AKAP13: variants seen among roughly 807,000 people sequenced by gnomAD.
The protein encoded by AKAP13 is A-kinase anchoring protein 13.
Under a neutral mutation model 264.5 loss-of-function variants are expected in AKAP13, and 80 were observed. The observed-to-expected ratio is 0.30, with a 90% CI of 0.25 to 0.36. The LOEUF is 0.36. AKAP13 is among the 10% of genes least tolerant of loss of function. The pLI is 1.00. For synonymous variants in AKAP13, 1,380 were observed against 1,250.2 expected, an observed-to-expected ratio of 1.10 and a Z score of -2.19; for missense variants, 3,712 against 3,435.2, an observed-to-expected ratio of 1.08 and a Z score of -2.01.
chr15:85,692,358 T>C (rs1009159305), intron 16 of AKAP13, among the ~76,000 whole-genome samples: 6 of 152,214 alleles, frequency 3.9e-5, no homozygotes, highest in Admixed American at 3.3e-4. Flanking sequence ...TCTCACCTAA[T>C]TGTCATATGT....
intron 1 of AKAP13, among the ~76,000 whole-genome samples, chr15:85,448,004 C>A (rs1399893016): frequency 6.6e-6 from 1 of 152,170 alleles, no homozygotes; most frequent in African/African-American, 2.4e-5. Flanking sequence ...TATAAGGGTT[C>A]CTTTTCCCTG....
intron 8 of AKAP13, among the ~76,000 whole-genome samples, chr15:85,597,498 C>G (rs1184506168): frequency 2.0e-5 from 3 of 152,170 alleles, no homozygotes; most frequent in African/African-American, 4.8e-5. Flanking sequence ...TTATGAAATC[C>G]TTTAATCCTT....
intron 1 of AKAP13, among the ~76,000 whole-genome samples, chr15:85,482,024 T>C (rs2075367667): frequency 6.6e-6 from 1 of 152,240 alleles, no homozygotes. Context: ...TTAAGTGTGT[T>C]TACTCTGACC....
At chr15:85,410,133 T>A (rs1045357794) in intron 1 of AKAP13, among the ~76,000 whole-genome samples, 3 of 151,678 alleles carry the variant, frequency 2.0e-5, no homozygotes, top group Admixed American at 2.0e-4. Flanking sequence ...TGACCTAGTA[T>A]CTTTTGAGTA....
In AKAP13 at chr15:85,715,869, G is replaced by T. The variant is rs1482094787; in HGVS notation, c.5681G>T (p.Arg1894Leu). ...ACCACCCCAATATTTGCCAATAGAC[G>T]ATCCCAGCAGAGTGTCTCGCTCTCC... is the stretch of plus-strand genomic sequence containing the variant. The part of the protein sequence containing the change: ...TATTPIFANR[R>L]SQQSVSLSKS... Residue 1894 changes from arginine (R) to leucine (L), a missense_variant, in exon 20 of 37, where the codon CGA becomes CTA. Arg to Leu is a moderately radical substitution (Grantham distance 102, BLOSUM62 -2). This residue lies in a region of AKAP13 where 2,759 missense variants were observed against 2,411.7 expected (regional missense o/e 1.14). Transcript: ENST00000394518. 1 of 1,613,218 alleles carries T rather than the reference G, an allele frequency of 6.2e-7. No individual in the cohort carries two copies. The highest frequency in any genetic ancestry group is 1.1e-5 in the South Asian group (1 of 91,030).
chr15:85,734,996 G>C lies in AKAP13; in HGVS notation c.7287G>C (p.Glu2429Asp), dbSNP rs148526775. The C allele has an allele frequency of 2.7e-5, 44 of 1,613,056 alleles. No homozygotes were observed. The highest frequency in any genetic ancestry group is 3.6e-5 in the Non-Finnish European group (42 of 1,179,726). ...PLMKSAINEVEILQGLVSGNL... is the reference protein window; with the variant it reads ...PLMKSAINEVDILQGLVSGNL... ...TGCATGTTTCCTTTATTCCAGTGGA[G>C]ATCCTTCAGGGTTTGGTGAGTGGAA... Residue 2429 changes from glutamate to aspartate, a missense_variant, in exon 31 of 37, where the codon GAG (glutamate) becomes GAC (aspartate). By Grantham distance (45) the Glu-to-Asp change is conservative. Around this residue, in one of 3 missense-constraint regions of AKAP13, gnomAD observed 611 missense variants for 539.3 expected, o/e 1.13. Transcript: ENST00000394518.
chr15:85,412,264 G>A (rs2072008592), intron 1 of AKAP13, among the ~76,000 whole-genome samples: 1 of 152,070 alleles, frequency 6.6e-6, no homozygotes, highest in South Asian at 2.1e-4. Flanking sequence ...GGTGTAACAT[G>A]GAAAAAGAAT....
intron 4 of AKAP13, among the ~76,000 whole-genome samples, chr15:85,541,395 G>C (rs1159090285): frequency 6.6e-6 from 1 of 152,170 alleles, no homozygotes; most frequent in Admixed American, 6.5e-5. Context: ...GTTGTTGAGT[G>C]AGTGTCTGGC....
intron 2 of AKAP13, among the ~76,000 whole-genome samples, chr15:85,494,450 C>T (rs1404729250): frequency 1.3e-5 from 2 of 152,146 alleles, no homozygotes; most frequent in African/African-American, 4.8e-5. Flanking sequence ...AAGAATTAGG[C>T]GACGTGGATG....
intron 5 of AKAP13, among the ~76,000 whole-genome samples, chr15:85,556,577 T>G (rs1352802769): frequency 6.6e-6 from 1 of 152,224 alleles, no homozygotes; most frequent in Non-Finnish European, 1.5e-5. Flanking sequence ...AAAATCCTAG[T>G]TCCTACCAGG....
intron 1 of AKAP13, among the ~76,000 whole-genome samples, chr15:85,387,462 T>C (rs34757583): frequency 0.51 from 78,186 of 151,896 alleles, 20,577 homozygotes; most frequent in Admixed American, 0.58. Flanking sequence ...TCCCAAGTAG[T>C]TGGGATCACA....
rs1360084642 is a variant in AKAP13, at chr15:85,579,094, C to G, written c.1026C>G (p.Cys342Trp). Reference protein sequence around the residue: ...SSEETESTQCCPGSPVAQTES... With the variant: ...SSEETESTQCWPGSPVAQTES... ...AAGAGACTGAGAGCACTCAGTGCTG[C>G]CCAGGGAGCCCTGTTGCACAGACTG... The change falls in exon 7 of 37, where the codon TGC becomes TGG. Residue 342 changes from cysteine (C) to tryptophan (W), a missense_variant. Coordinates refer to ENST00000394518, the MANE Select transcript of AKAP13 (RefSeq NM_007200.5). The G allele has an allele frequency of 1.2e-6, 2 of 1,614,048 alleles. No individual in the cohort carries two copies. The highest frequency in any genetic ancestry group is 2.7e-5 in the African/African-American group (2 of 74,894).
rs953419664 is a variant in AKAP13, at chr15:85,533,635, G to T, written c.233G>T (p.Gly78Val). The change falls in exon 4 of 37, where the codon GGC (glycine) becomes GTC (valine). Residue 78 changes from glycine (G) to valine (V), a missense_variant. By Grantham distance (109) the Gly-to-Val change is moderately radical (BLOSUM62 -3). This residue lies in a region of AKAP13 where 2,759 missense variants were observed against 2,411.7 expected (regional missense o/e 1.14). Transcript: ENST00000394518. ...VKVQLCASKE[G>V]LPVFVVAEED... ...GTGCAGCTCTGTGCTTCCAAAGAGG[G>T]CCTTCCCGTGTTTGTGGTGGCTGAA... 6.2e-7 allele frequency: 1 copy of T among 1,614,084 alleles called. No homozygotes were observed. Among genetic ancestry groups the T allele is most frequent in the Admixed American group, 1.7e-5 (1 of 60,014 alleles).
At chr15:85,703,042 T>A (rs2151672720) in intron 17 of AKAP13, among the ~76,000 whole-genome samples, 1 of 152,356 alleles carries the variant, frequency 6.6e-6, no homozygotes, top group African/African-American at 2.4e-5. Context: ...GCTAGCAGCA[T>A]TTCAGTACTT....
At chr15:85,662,317 AC>A in intron 12 of AKAP13, 1 of 1,531,204 alleles carries the variant, frequency 6.5e-7, no homozygotes, top group African/African-American at 1.4e-5. Flanking sequence ...TCGTTTTTAA[AC>A]CTAATAACCC....
chr15:85,530,487 T>C (rs776496577), intron 3 of AKAP13, among the ~76,000 whole-genome samples: 1 of 152,200 alleles, frequency 6.6e-6, no homozygotes, highest in Non-Finnish European at 1.5e-5. Flanking sequence ...GCTGTGGATA[T>C]TCTGTTTTAC....
intron 1 of AKAP13, among the ~76,000 whole-genome samples, chr15:85,417,863 C>G (rs559111174): frequency 2.0e-5 from 3 of 152,138 alleles, no homozygotes; most frequent in East Asian, 1.9e-4. Flanking sequence ...TTGTCTGGCT[C>G]CAGTCCAGTA....
chr15:85,498,199 G>GATGTATATATATATATATAT (rs2075931766), intron 2 of AKAP13, among the ~76,000 whole-genome samples: 1 of 133,010 alleles, frequency 7.5e-6, no homozygotes, highest in African/African-American at 2.9e-5. Context: ...AATGAAGTGA[G>GATGTATATATATATATATAT]ATATATATAT....
intron 5 of AKAP13, among the ~76,000 whole-genome samples, chr15:85,555,015 A>G (rs1214330055): frequency 2.0e-5 from 3 of 152,038 alleles, no homozygotes. Flanking sequence ...CGAGAGTGGC[A>G]GTTCTATGTT....
Sources: allele counts gnomAD v4.1 joint callset (sites outside exome capture counted in the v4.1 genomes callset), GRCh38; gene constraint gnomAD v4.1.1; regional missense constraint gnomAD v4.1.1; transcripts MANE v1.5; gene names NCBI Gene and HGNC (gene_info 2026-07-23, HGNC 2026-07-21).